The following PRKCB variants were observed in gnomAD, a reference collection of about 807,000 sequenced individuals.
PRKCB encodes the protein protein kinase C beta, also known as protein kinase C beta type.
A neutral mutation model predicts 81.5 loss-of-function variants in PRKCB; 13 were observed. The observed-to-expected ratio is 0.16, with a 90% CI of 0.10 to 0.25. PRKCB has a LOEUF of 0.25. PRKCB is among the 10% of genes least tolerant of loss of function. The pLI, the probability that PRKCB is intolerant of heterozygous loss-of-function variation, is 1.00. For missense variants in PRKCB, 509 were observed against 875.7 expected (o/e 0.58, Z 5.29); for synonymous variants, 335 against 321.4 (o/e 1.04, Z -0.45).
intron 16 of PRKCB, among the ~76,000 whole-genome samples, chr16:24,203,609 C>A (rs756567461): frequency 2.6e-5 from 4 of 152,150 alleles, no homozygotes; most frequent in Non-Finnish European, 4.4e-5. Context: ...AATAGAAATT[C>A]CAACTCCACA....
chr16:23,883,935 T>C (rs1567301886), intron 2 of PRKCB, among the ~76,000 whole-genome samples: 7 of 152,244 alleles, frequency 4.6e-5, no homozygotes. Flanking sequence ...TGAAATGAAC[T>C]GTGAGAATGT....
intron 5 of PRKCB, among the ~76,000 whole-genome samples, chr16:24,038,188 CAAAAACAAG>C: frequency 6.6e-6 from 1 of 151,756 alleles, no homozygotes; most frequent in South Asian, 2.1e-4. Flanking sequence ...TCTCATAAAA[CAAAAACAAG>C]AAAAACAAAC....
At position 24,199,540 on chromosome 16, in the gene PRKCB, A is replaced by G. The variant is rs114435224; in HGVS notation, c.1863+8310A>G. On this transcript the variant is annotated intron_variant, in intron 16 of 16. Coordinates refer to ENST00000643927, the MANE Select transcript of PRKCB (RefSeq NM_002738.7). ...ATCTAACACTTACTCAATGTGATTT[A>G]TTTAAGCACAGAACCTAACTCCCCC... Among the ~76,000 whole-genome samples, 346 of 152,320 alleles carry G rather than the reference A, an allele frequency of 2.3e-3. 1 individual carries two copies. Among genetic ancestry groups the G allele is most frequent in the African/African-American group, 7.9e-3 (327 of 41,572 alleles).
In PRKCB at chr16:23,916,307, C is replaced by G. The variant is rs142371640; in HGVS notation, c.206-72201C>G. ...CTCCTGGCCACAAACAAGCAGTTCTCCCACCTCAGCCTTCCAAAGTGCTGG... is the reference window on the plus strand; with the variant it reads ...CTCCTGGCCACAAACAAGCAGTTCTGCCACCTCAGCCTTCCAAAGTGCTGG... On this transcript the variant is annotated intron_variant, in intron 2 of 16. Transcript: ENST00000643927. Among the ~76,000 whole-genome samples, 3 of 149,660 alleles carry G rather than the reference C, an allele frequency of 2.0e-5. No homozygotes were observed. In the East Asian group the frequency reaches 6.0e-4, roughly 30 times the overall value.
intron 2 of PRKCB, among the ~76,000 whole-genome samples, chr16:23,859,198 G>A (rs1962621911): frequency 6.6e-6 from 1 of 152,266 alleles, no homozygotes; most frequent in Non-Finnish European, 1.5e-5. Context: ...TAGTTGAAGA[G>A]GGCAACAAAC....
intron 9 of PRKCB, among the ~76,000 whole-genome samples, chr16:24,149,704 T>C (rs1967048704): frequency 6.6e-6 from 1 of 152,236 alleles, no homozygotes; most frequent in Admixed American, 6.5e-5. Context: ...CAAGAGGCAC[T>C]GTCCTTTATA....
chr16:24,042,702 TA>T (rs1965717066), intron 5 of PRKCB, among the ~76,000 whole-genome samples: 1 of 151,756 alleles, frequency 6.6e-6, no homozygotes, highest in Non-Finnish European at 1.5e-5. Flanking sequence ...TTTTTTTTTT[TA>T]ACTTTTGAGG....
chr16:24,108,606 C>G (rs879061455), intron 7 of PRKCB, among the ~76,000 whole-genome samples: 8 of 114,134 alleles, frequency 7.0e-5, no homozygotes, highest in Non-Finnish European at 1.5e-4. Flanking sequence ...CATCTTGCAC[C>G]GCCCTTAATC....
intron 10 of PRKCB, among the ~76,000 whole-genome samples, chr16:24,162,166 A>G (rs1967266804): frequency 6.6e-6 from 1 of 152,138 alleles, no homozygotes; most frequent in Non-Finnish European, 1.5e-5. Flanking sequence ...TCAGAATGCA[A>G]GAGAGGACAG....
At chr16:23,956,127 T>A (rs1391908964) in intron 2 of PRKCB, among the ~76,000 whole-genome samples, 5 of 152,286 alleles carry the variant, frequency 3.3e-5, no homozygotes, top group South Asian at 2.1e-4. Context: ...ATACTTTTTT[T>A]ATAATTTTTT....
At chr16:24,173,503 G>A (rs969022637) in intron 11 of PRKCB, among the ~76,000 whole-genome samples, 1 of 152,126 alleles carries the variant, frequency 6.6e-6, no homozygotes. Flanking sequence ...GTTCTGATAG[G>A]ATTTGCATTA....
intron 2 of PRKCB, among the ~76,000 whole-genome samples, chr16:23,953,132 C>T (rs1264531532): frequency 6.6e-6 from 1 of 152,188 alleles, no homozygotes; most frequent in Admixed American, 6.5e-5. Flanking sequence ...AGTGTTTGAT[C>T]TACTTGCTTG....
chr16:24,094,788 G>A (rs893411481), intron 7 of PRKCB, among the ~76,000 whole-genome samples: 8 of 144,136 alleles, frequency 5.6e-5, no homozygotes, highest in African/African-American at 1.3e-4. Flanking sequence ...GAGAGAGAGA[G>A]AAGGAATGAA....
chr16:24,195,273 C>T (rs1479376728), intron 16 of PRKCB, among the ~76,000 whole-genome samples: 1 of 152,042 alleles, frequency 6.6e-6, no homozygotes, highest in East Asian at 1.9e-4. Context: ...ATTGCAAATG[C>T]ATTGCATGAG....
At chr16:24,202,390 C>T (rs1420990765) in intron 16 of PRKCB, among the ~76,000 whole-genome samples, 3 of 152,212 alleles carry the variant, frequency 2.0e-5, no homozygotes, top group Non-Finnish European at 4.4e-5. Flanking sequence ...ATATTTTTCT[C>T]ATTGAGTCAT....
At chr16:24,097,185 C>T (rs1197683310) in intron 7 of PRKCB, among the ~76,000 whole-genome samples, 3 of 151,692 alleles carry the variant, frequency 2.0e-5, no homozygotes, top group East Asian at 1.9e-4. Context: ...TACAGGTGCC[C>T]GCCACCACGC....
chr16:24,187,779 A>G (rs1038334270), intron 15 of PRKCB, among the ~76,000 whole-genome samples: 17 of 152,186 alleles, frequency 1.1e-4, no homozygotes, highest in African/African-American at 3.9e-4. Flanking sequence ...CCCAGGCTCA[A>G]GGGATCCTCC....
chr16:23,907,841 C>T (rs1288109092), intron 2 of PRKCB, among the ~76,000 whole-genome samples: 5 of 152,196 alleles, frequency 3.3e-5, no homozygotes, highest in African/African-American at 1.2e-4. Context: ...TAGCCATTCC[C>T]CCTGCTAACC....
At chr16:24,058,827 A>T (rs935222938) in intron 5 of PRKCB, among the ~76,000 whole-genome samples, 14 of 152,208 alleles carry the variant, frequency 9.2e-5, no homozygotes, top group African/African-American at 2.9e-4. Context: ...CATGGGTGAC[A>T]ATTAAAAAGA....
Sources: gnomAD v4.1 joint callset for allele counts (sites outside exome capture counted in the v4.1 genomes callset) on GRCh38, gnomAD v4.1.1 for gene constraint, MANE v1.5 for transcripts, NCBI Gene and HGNC (gene_info 2026-07-23, HGNC 2026-07-21) for gene names.